The following PTPRT variants were observed in gnomAD, a reference collection of about 807,000 sequenced individuals.
PTPRT encodes the protein receptor-type tyrosine-protein phosphatase T.
A neutral mutation model predicts 176.8 loss-of-function variants in PTPRT; 56 were observed. The ratio of observed to expected loss-of-function variants is 0.32; its 90% CI spans 0.26 to 0.40. The LOEUF is 0.40. Among genes scored for constraint, PTPRT ranks in the 10% least tolerant of loss-of-function variants. PTPRT has a pLI of 1.00. For missense variants in PTPRT, 1,540 were observed against 1,908.2 expected (o/e 0.81, Z 3.60); for synonymous variants, 783 against 739.0 (o/e 1.06, Z -0.96).
intron 1 of PTPRT, among the ~76,000 whole-genome samples, chr20:42,948,475 C>A (rs896772733): frequency 2.0e-5 from 3 of 152,174 alleles, no homozygotes; most frequent in African/African-American, 7.2e-5. Flanking sequence ...TGGCCCAATA[C>A]AAGCCAATGT....
chr20:42,748,134 G>A (rs946252547), intron 6 of PTPRT, among the ~76,000 whole-genome samples: 5 of 152,314 alleles, frequency 3.3e-5, no homozygotes, highest in East Asian at 1.9e-4. Context: ...CAACAGCAGA[G>A]TTGAGTCTTT....
chr20:42,421,282 G>GCA (rs147671583), intron 9 of PTPRT, among the ~76,000 whole-genome samples: 126,243 of 150,626 alleles, frequency 0.84, 53,062 homozygotes, highest in Admixed American at 0.87. Flanking sequence ...ACACACGCAT[G>GCA]CACACACACA....
At chr20:42,625,280 C>G (rs993507459) in intron 7 of PTPRT, among the ~76,000 whole-genome samples, 1 of 151,654 alleles carries the variant, frequency 6.6e-6, no homozygotes, top group South Asian at 2.1e-4. Flanking sequence ...TATGCATAAA[C>G]CAGAGATTTA....
At chr20:42,232,459 C>A (rs1408946629) in intron 15 of PTPRT, among the ~76,000 whole-genome samples, 3 of 152,196 alleles carry the variant, frequency 2.0e-5, no homozygotes, top group Non-Finnish European at 4.4e-5. Context: ...GACAAGCTCC[C>A]AGGTGATGCT....
chr20:42,757,879 T>C (rs1028445394), intron 5 of PTPRT, among the ~76,000 whole-genome samples: 1 of 152,222 alleles, frequency 6.6e-6, no homozygotes, highest in East Asian at 1.9e-4. Flanking sequence ...TGGATGTTTA[T>C]TAATGTTATT....
chr20:43,141,406 G>A (rs947343727), intron 1 of PTPRT, among the ~76,000 whole-genome samples: 5 of 152,152 alleles, frequency 3.3e-5, no homozygotes, highest in Admixed American at 6.5e-5. Flanking sequence ...GGGGTGACTG[G>A]GGCAACCGGG....
intron 11 of PTPRT, among the ~76,000 whole-genome samples, chr20:42,328,414 A>G (rs1170272605): frequency 6.6e-6 from 1 of 152,152 alleles, no homozygotes; most frequent in Non-Finnish European, 1.5e-5. Flanking sequence ...AGCATCTCAA[A>G]TTGTTACAAA....
intron 7 of PTPRT, among the ~76,000 whole-genome samples, chr20:42,628,742 C>G (rs2074345356): frequency 6.6e-6 from 1 of 152,242 alleles, no homozygotes; most frequent in Admixed American, 6.5e-5. Flanking sequence ...CAGCAAAATT[C>G]AGCCCATGGG....
chr20:42,406,885 T>C (rs567977981), intron 9 of PTPRT, among the ~76,000 whole-genome samples: 4 of 152,320 alleles, frequency 2.6e-5, no homozygotes, highest in Non-Finnish European at 5.9e-5. Context: ...GTTGAATCAA[T>C]AGACAGTGAA....
chr20:42,938,533 G>C (rs1246171416), intron 1 of PTPRT, among the ~76,000 whole-genome samples: 1 of 152,156 alleles, frequency 6.6e-6, no homozygotes, highest in East Asian at 1.9e-4. Context: ...AGGCACTGAA[G>C]AAGAAAGAGT....
At chr20:42,782,290 C>A (rs2077225912) in intron 3 of PTPRT, among the ~76,000 whole-genome samples, 1 of 152,164 alleles carries the variant, frequency 6.6e-6, no homozygotes, top group Admixed American at 6.5e-5. Context: ...TGCATACACT[C>A]TCCCTTCAAC....
intron 1 of PTPRT, among the ~76,000 whole-genome samples, chr20:43,082,612 C>T (rs75994249): frequency 0.012 from 1,870 of 152,232 alleles, 18 homozygotes; most frequent in Non-Finnish European, 0.018. Flanking sequence ...TTTTTTCAGA[C>T]ATCTCCAGAA....
intron 6 of PTPRT, among the ~76,000 whole-genome samples, chr20:42,736,980 A>G (rs1409000213): frequency 1.3e-5 from 2 of 152,194 alleles, no homozygotes; most frequent in Admixed American, 1.3e-4. Flanking sequence ...AAAAACATAC[A>G]AGAATAACCC....
intron 1 of PTPRT, among the ~76,000 whole-genome samples, chr20:43,030,951 G>A (rs1027546048): frequency 6.6e-6 from 1 of 152,212 alleles, no homozygotes; most frequent in African/African-American, 2.4e-5. Flanking sequence ...GAGAGCTCCT[G>A]AGACCATCAC....
intron 1 of PTPRT, among the ~76,000 whole-genome samples, chr20:42,907,807 A>G (rs759678278): frequency 2.0e-5 from 3 of 150,292 alleles, no homozygotes; most frequent in African/African-American, 7.6e-5. Context: ...GGAGAGCCCC[A>G]TAACTGGAAG....
chr20:42,405,422 T>A (rs2058951859), intron 9 of PTPRT, among the ~76,000 whole-genome samples: 1 of 152,126 alleles, frequency 6.6e-6, no homozygotes, highest in Non-Finnish European at 1.5e-5. Context: ...AATTCCCACC[T>A]ATGAGTGAGA....
chr20:42,795,873 T>C (rs1052896956), intron 2 of PTPRT, among the ~76,000 whole-genome samples: 2 of 152,214 alleles, frequency 1.3e-5, no homozygotes, highest in Non-Finnish European at 2.9e-5. Context: ...TCAGTGAATA[T>C]TAAGTAAAAA....
At chr20:42,345,250 C>T (rs1190920705) in intron 11 of PTPRT, among the ~76,000 whole-genome samples, 1 of 151,588 alleles carries the variant, frequency 6.6e-6, no homozygotes, top group Non-Finnish European at 1.5e-5. Flanking sequence ...GCTCAATGGC[C>T]ATATGTGTTC....
chr20:42,228,668 A>C (rs1337896476), intron 15 of PTPRT, among the ~76,000 whole-genome samples: 1 of 152,242 alleles, frequency 6.6e-6, no homozygotes, highest in African/African-American at 2.4e-5. Flanking sequence ...GAATAGAATA[A>C]TATAACTCAA....
Sources: allele counts gnomAD v4.1 joint callset (sites outside exome capture counted in the v4.1 genomes callset), GRCh38; gene constraint gnomAD v4.1.1; transcripts MANE v1.5; gene names NCBI Gene and HGNC (gene_info 2026-07-23, HGNC 2026-07-21).